The following WWOX variants were observed in gnomAD, a reference collection of about 807,000 sequenced individuals.
The protein encoded by WWOX is WW domain containing oxidoreductase.
Under a neutral mutation model 46.2 loss-of-function variants are expected in WWOX, and 69 were observed. The observed-to-expected ratio is 1.49, with a 90% CI of 1.23 to 1.82. The LOEUF is 1.82. Among genes scored for constraint, WWOX ranks in the 40% most tolerant of loss-of-function variants. The pLI, the probability that WWOX is intolerant of heterozygous loss-of-function variation, is 0.00. For missense variants in WWOX, 919 were observed against 542.6 expected, an observed-to-expected ratio of 1.69 and a Z score of -6.89; for synonymous variants, 359 against 202.6, an observed-to-expected ratio of 1.77 and a Z score of -6.56.
chr16:79,177,533 A>G (rs573451001), intron 8 of WWOX, among the ~76,000 whole-genome samples: 5 of 152,254 alleles, frequency 3.3e-5, no homozygotes, highest in Admixed American at 6.5e-5. Flanking sequence ...CCAGCTTTCA[A>G]TAATTCTCTT....
chr16:78,647,114 G>T (rs2738590), intron 8 of WWOX, among the ~76,000 whole-genome samples: 15 of 152,314 alleles, frequency 9.8e-5, no homozygotes, highest in Non-Finnish European at 1.9e-4. Context: ...AAACTGCCCA[G>T]TGCCCCAATC....
Position 78,554,702 on chromosome 16 carries a change from G to T in WWOX, c.1056+121950G>T, listed in dbSNP as rs146557662. On this transcript the variant is annotated intron_variant, in intron 8 of 8. Coordinates refer to ENST00000566780, the MANE Select transcript of WWOX (RefSeq NM_016373.4). ...GCAGTTGAATAGGACCGTAGAGGTG[G>T]CCTAAGGCAGCCTTCCATTCAGGGC... Among the ~76,000 whole-genome samples the T allele has an allele frequency of 7.8e-3, 1,192 of 152,142 alleles. 20 individuals are homozygous for T. The highest frequency in any genetic ancestry group is 0.028 in the African/African-American group (1,148 of 41,528).
intron 8 of WWOX, among the ~76,000 whole-genome samples, chr16:78,938,026 C>G (rs1056326227): frequency 2.0e-5 from 3 of 152,192 alleles, no homozygotes; most frequent in Non-Finnish European, 4.4e-5. Flanking sequence ...GCTGTCCTCA[C>G]CGTCCTATGG....
At chr16:78,902,417 C>T (rs889090458) in intron 8 of WWOX, among the ~76,000 whole-genome samples, 1 of 152,214 alleles carries the variant, frequency 6.6e-6, no homozygotes, top group Admixed American at 6.5e-5. Flanking sequence ...CTCTTGTATC[C>T]AGCAGCGCCA....
At chr16:78,582,086 T>A (rs2045070715) in intron 8 of WWOX, among the ~76,000 whole-genome samples, 1 of 152,232 alleles carries the variant, frequency 6.6e-6, no homozygotes, top group Non-Finnish European at 1.5e-5. Flanking sequence ...GAAGCATCTT[T>A]GGTTTCTCTG....
intron 8 of WWOX, among the ~76,000 whole-genome samples, chr16:78,868,462 C>G (rs894912039): frequency 4.2e-5 from 5 of 118,676 alleles, no homozygotes; most frequent in African/African-American, 1.6e-4. Context: ...GATGGCTGCA[C>G]AACTGGATAA....
chr16:78,773,494 C>G (rs1311529943), intron 8 of WWOX, among the ~76,000 whole-genome samples: 1 of 152,186 alleles, frequency 6.6e-6, no homozygotes, highest in African/African-American at 2.4e-5. Flanking sequence ...TACTTTGTCC[C>G]TTGTGTTAGC....
At chr16:78,391,593 A>G (rs79973570) in intron 6 of WWOX, among the ~76,000 whole-genome samples, 12,961 of 152,284 alleles carry the variant, frequency 0.085, 772 homozygotes, top group South Asian at 0.17. Flanking sequence ...CACACATGTA[A>G]TCCCAGCACC....
chr16:78,352,356 G>A (rs1461399559), intron 5 of WWOX, among the ~76,000 whole-genome samples: 3 of 152,164 alleles, frequency 2.0e-5, no homozygotes, highest in Non-Finnish European at 4.4e-5. Context: ...TCCAAAATAG[G>A]TCTCAGTGGG....
intron 8 of WWOX, among the ~76,000 whole-genome samples, chr16:78,940,749 G>C (rs1053071894): frequency 6.9e-6 from 1 of 144,136 alleles, no homozygotes; most frequent in Non-Finnish European, 1.5e-5. Flanking sequence ...TTCCCTTTCA[G>C]TATTCATGAC....
intron 5 of WWOX, among the ~76,000 whole-genome samples, chr16:78,288,201 C>T (rs990191438): frequency 2.0e-4 from 30 of 150,234 alleles, no homozygotes; most frequent in East Asian, 3.9e-4. Context: ...TTAATATGGC[C>T]GGTGAAACAT....
At chr16:78,791,382 C>T (rs1354250847) in intron 8 of WWOX, among the ~76,000 whole-genome samples, 1 of 152,162 alleles carries the variant, frequency 6.6e-6, no homozygotes, top group African/African-American at 2.4e-5. Context: ...AGCAGCCGAT[C>T]TGAGACTGGC....
chr16:78,893,187 T>C (rs561548598), intron 8 of WWOX, among the ~76,000 whole-genome samples: 20 of 149,594 alleles, frequency 1.3e-4, no homozygotes, highest in Non-Finnish European at 2.2e-4. Flanking sequence ...GGAATGACTA[T>C]AGCTAGAAAA....
chr16:79,026,420 G>A (rs774679832), intron 8 of WWOX, among the ~76,000 whole-genome samples: 15 of 151,490 alleles, frequency 9.9e-5, no homozygotes, highest in Admixed American at 2.0e-4. Flanking sequence ...CACTTCCTTT[G>A]CTGTGGACTC....
chr16:78,349,194 C>A (rs139626239), intron 5 of WWOX, among the ~76,000 whole-genome samples: 1 of 120,488 alleles, frequency 8.3e-6, no homozygotes, highest in African/African-American at 2.8e-5. Context: ...TGCACGCATC[C>A]CTGGTTTCTT....
intron 8 of WWOX, among the ~76,000 whole-genome samples, chr16:78,740,176 A>G (rs1350996933): frequency 2.0e-5 from 3 of 152,116 alleles, no homozygotes; most frequent in Non-Finnish European, 4.4e-5. Flanking sequence ...TTTCTTAGAG[A>G]GTGAGCTCCA....
chr16:78,731,134 T>G (rs1012127074), intron 8 of WWOX, among the ~76,000 whole-genome samples: 1 of 152,298 alleles, frequency 6.6e-6, no homozygotes, highest in African/African-American at 2.4e-5. Context: ...CTGGTTTAAC[T>G]GGGCTGTGTA....
chr16:78,878,072 T>C (rs1177513524), intron 8 of WWOX, among the ~76,000 whole-genome samples: 1 of 152,128 alleles, frequency 6.6e-6, no homozygotes, highest in Non-Finnish European at 1.5e-5. Flanking sequence ...TTCCCTGTAG[T>C]TTTTAGCATA....
intron 8 of WWOX, among the ~76,000 whole-genome samples, chr16:78,684,286 G>T (rs1218452460): frequency 6.6e-6 from 1 of 152,180 alleles, no homozygotes; most frequent in Non-Finnish European, 1.5e-5. Flanking sequence ...GTCTGTCCAG[G>T]TGTACTCAGA....
Sources: allele counts gnomAD v4.1 joint callset (sites outside exome capture counted in the v4.1 genomes callset), GRCh38; gene constraint gnomAD v4.1.1; transcripts MANE v1.5; gene names NCBI Gene and HGNC (gene_info 2026-07-23, HGNC 2026-07-21).